Variants in FAT4 observed in about 807,000 individuals in gnomAD.
The protein encoded by FAT4 is FAT atypical cadherin 4.
FAT4 carries 84 observed loss-of-function variants against 303.9 expected under a neutral mutation model. The ratio of observed to expected loss-of-function variants is 0.28; its 90% CI spans 0.23 to 0.33. FAT4 has a LOEUF of 0.33. Among genes scored for constraint, FAT4 ranks in the 10% least tolerant of loss-of-function variants. The pLI is 1.00. For missense variants in FAT4, 6,005 were observed against 6,146.8 expected, an observed-to-expected ratio of 0.98 and a Z score of 0.77; for synonymous variants, 2,307 against 2,298.8, an observed-to-expected ratio of 1.00 and a Z score of -0.10.
At chr4:125,357,942 T>TTTCCTTACTTACTTACATAGA (rs1381170561) in intron 2 of FAT4, among the ~76,000 whole-genome samples, 2 of 152,172 alleles carry the variant, frequency 1.3e-5, no homozygotes, top group Admixed American at 1.3e-4. Flanking sequence ...TTCATAGAGC[T>TTTCCTTACTTACTTACATAGA]GTAAGATTGT....
At position 125,315,231 on chromosome 4, in the gene FAT4, G is replaced by T. The variant is rs567066413; in HGVS notation, c.-759G>T. Among the ~76,000 whole-genome samples, 7 of 152,180 alleles carry T rather than the reference G, an allele frequency of 4.6e-5. No individual in the cohort carries two copies. The highest frequency in any genetic ancestry group is 1.4e-4 in the African/African-American group (6 of 41,534). ...GAGAGGGAGAGCGCTGACAGGCGCC[G>T]TCCGGAGCTGCGGAGGGCGTCACTA... On this transcript the variant is annotated 5_prime_UTR_variant, in exon 1 of 18. Transcript: ENST00000394329.
rs374709675 is a variant in FAT4 at position 125,490,297 on chromosome 4, G to C, written c.13481G>C (p.Ser4494Thr). The change falls in exon 18 of 18, where the codon AGT becomes ACT. Residue 4494 changes from serine (S) to threonine (T), a missense_variant. Ser to Thr is a moderately conservative substitution (Grantham distance 58). Coordinates refer to ENST00000394329, the MANE Select transcript of FAT4 (RefSeq NM_001291303.3). ...CCTGCGGGGCATGTCTGTGTTCTGA[G>C]TCAGGGCCCTGAAGAGATCTCTCTG... The part of the protein sequence containing the change: ...GSPAGHVCVL[S>T]QGPEEISLPL... 2.7e-5 allele frequency: 44 copies of C among 1,614,012 alleles called. No individual in the cohort carries two copies. Among genetic ancestry groups the C allele is most frequent in the East Asian group, 2.5e-4 (11 of 44,848 alleles).
intron 7 of FAT4, among the ~76,000 whole-genome samples, chr4:125,431,124 G>A (rs1725269345): frequency 6.6e-6 from 1 of 152,170 alleles, no homozygotes; most frequent in Non-Finnish European, 1.5e-5. Flanking sequence ...AAATGAGTCA[G>A]TCATAATTTA....
chr4:125,437,998 A>AG (rs1725519190), intron 8 of FAT4, among the ~76,000 whole-genome samples: 1 of 152,214 alleles, frequency 6.6e-6, no homozygotes, highest in African/African-American at 2.4e-5. Context: ...CAAAGCACCT[A>AG]GCCCTCTACC....
At chr4:125,365,968 T>G (rs2125988271) in intron 2 of FAT4, among the ~76,000 whole-genome samples, 1 of 152,122 alleles carries the variant, frequency 6.6e-6, no homozygotes, top group African/African-American at 2.4e-5. Context: ...GAGCTCTGCC[T>G]TCTGTCAGAT....
intron 16 of FAT4, among the ~76,000 whole-genome samples, chr4:125,486,242 T>C (rs1348314423): frequency 1.3e-5 from 2 of 151,814 alleles, no homozygotes; most frequent in Non-Finnish European, 2.9e-5. Flanking sequence ...AATGTTATTG[T>C]CATTTAGCTA....
At chr4:125,353,771 T>C (rs754695506) in intron 2 of FAT4, among the ~76,000 whole-genome samples, 1 of 151,680 alleles carries the variant, frequency 6.6e-6, no homozygotes, top group Non-Finnish European at 1.5e-5. Context: ...TACATTTTAA[T>C]CGTTAGAGTA....
At chr4:125,481,769 G>C in intron 16 of FAT4, 31 bp downstream of exon 16, 1 of 1,580,148 alleles carries the variant, frequency 6.3e-7, no homozygotes, top group Non-Finnish European at 8.7e-7. Flanking sequence ...GACTTCATTT[G>C]ATTAGACCGC....
chr4:125,440,523 T>C (rs893700871), intron 8 of FAT4, among the ~76,000 whole-genome samples: 2 of 152,010 alleles, frequency 1.3e-5, no homozygotes, highest in Admixed American at 1.3e-4. Flanking sequence ...TTTCTGTTTC[T>C]CTTTTCTCTC....
intron 8 of FAT4, among the ~76,000 whole-genome samples, chr4:125,436,837 G>A (rs754579310): frequency 4.6e-5 from 7 of 151,898 alleles, no homozygotes; most frequent in Non-Finnish European, 7.4e-5. Context: ...TGACACATGG[G>A]GATTATTTTT....
At chr4:125,418,292 T>C (rs1259011582) in intron 7 of FAT4, among the ~76,000 whole-genome samples, 1 of 152,202 alleles carries the variant, frequency 6.6e-6, no homozygotes, top group Non-Finnish European at 1.5e-5. Flanking sequence ...ACTATTACCT[T>C]AGCCCAGAGA....
In FAT4 at chr4:125,416,608, C is replaced by G; in HGVS notation, c.7004C>G (p.Thr2335Arg). Residue 2335 changes from threonine to arginine, a missense_variant, in exon 7 of 18, where the codon ACA (threonine) becomes AGA (arginine). Coordinates refer to ENST00000394329, the MANE Select transcript of FAT4 (RefSeq NM_001291303.3). ...ETKERFVLMI[T>R]ATDSGSPALT... ...AAAGAGCGCTTTGTCTTAATGATTACAGCTACAGATTCAGGTAAGTCCATT... is the reference window on the plus strand; with the variant it reads ...AAAGAGCGCTTTGTCTTAATGATTAGAGCTACAGATTCAGGTAAGTCCATT... 3 of 1,613,692 alleles carry G rather than the reference C, an allele frequency of 1.9e-6. No individual in the cohort carries two copies. The highest frequency in any genetic ancestry group is 1.7e-6 in the Non-Finnish European group (2 of 1,179,764).
At chr4:125,459,753 G>A (rs1257821369) in intron 10 of FAT4, among the ~76,000 whole-genome samples, 1 of 152,072 alleles carries the variant, frequency 6.6e-6, no homozygotes, top group African/African-American at 2.4e-5. Flanking sequence ...TAATTGACTT[G>A]TAGCATTAAT....
intron 2 of FAT4, among the ~76,000 whole-genome samples, chr4:125,350,953 C>T (rs967605417): frequency 1.3e-5 from 2 of 151,556 alleles, no homozygotes; most frequent in Admixed American, 1.3e-4. Context: ...AATGAAAGGA[C>T]ACATAAATTA....
Position 125,450,690 on chromosome 4 carries a change from C to T in FAT4, c.9680C>T (p.Thr3227Ile). 6.2e-7 allele frequency: 1 copy of T among 1,614,120 alleles called. No homozygotes were observed. The highest frequency in any genetic ancestry group is 8.5e-7 in the Non-Finnish European group (1 of 1,180,006). The part of the protein sequence containing the change: ...HLNATDADSG[T>I]NAVIAYTVQS... Reference sequence around the variant, plus strand: ...AATGCAACAGATGCTGACTCTGGAACAAATGCTGTGATTGCGTATACTGTA... The same window carrying T: ...AATGCAACAGATGCTGACTCTGGAATAAATGCTGTGATTGCGTATACTGTA... The change falls in exon 10 of 18, where the codon ACA (threonine) becomes ATA (isoleucine). Residue 3227 changes from threonine to isoleucine, a missense_variant. Thr to Ile is a moderately conservative substitution (Grantham distance 89, BLOSUM62 -1). Coordinates refer to ENST00000394329, the MANE Select transcript of FAT4 (RefSeq NM_001291303.3).
intron 10 of FAT4, among the ~76,000 whole-genome samples, chr4:125,455,634 C>T (rs1726252340): frequency 1.3e-5 from 2 of 152,164 alleles, no homozygotes; most frequent in South Asian, 4.1e-4. Context: ...AGTGTTCTAA[C>T]TAGTTTTTTA....
intron 2 of FAT4, among the ~76,000 whole-genome samples, chr4:125,364,492 G>A (rs1732791962): frequency 6.6e-6 from 1 of 150,908 alleles, no homozygotes; most frequent in African/African-American, 2.4e-5. Flanking sequence ...GGGACTTTCA[G>A]AATATATTAG....
chr4:125,457,600 A>C (rs1189149693), intron 10 of FAT4, among the ~76,000 whole-genome samples: 1 of 152,072 alleles, frequency 6.6e-6, no homozygotes, highest in Non-Finnish European at 1.5e-5. Context: ...CATATGTTTC[A>C]TTATTAAGAA....
chr4:125,452,917 T>C, intron 10 of FAT4, 107 bp downstream of exon 10: 1 of 1,326,648 alleles, frequency 7.5e-7, no homozygotes, highest in South Asian at 1.5e-5. Flanking sequence ...ATGAGCATAA[T>C]AGTAACAAAT....
Sources: allele counts gnomAD v4.1 joint callset (sites outside exome capture counted in the v4.1 genomes callset), GRCh38; gene constraint gnomAD v4.1.1; transcripts MANE v1.5; gene names NCBI Gene and HGNC (gene_info 2026-07-23, HGNC 2026-07-21).